Variants in PPFIA2 observed in about 807,000 individuals in gnomAD.
The protein encoded by PPFIA2 is liprin-alpha-2.
In PPFIA2, 46 loss-of-function variants were observed where a neutral mutation model predicts 175.5. The observed-to-expected ratio is 0.26, with a 90% CI of 0.21 to 0.34. The LOEUF (loss-of-function observed/expected upper bound fraction) is 0.34, where lower values mean the gene tolerates loss of function less well. Ranked by LOEUF, PPFIA2 falls within the 10% of genes least tolerant of loss-of-function variation. The pLI, the probability that PPFIA2 is intolerant of heterozygous loss-of-function variation, is 1.00. For synonymous variants in PPFIA2, 568 were observed against 511.4 expected (o/e 1.11, Z -1.49); for missense variants, 1,179 against 1,506.1 (o/e 0.78, Z 3.60).
At chr12:81,462,500 TTC>T (rs2054753395) in intron 4 of PPFIA2, among the ~76,000 whole-genome samples, 1 of 146,448 alleles carries the variant, frequency 6.8e-6, no homozygotes. Flanking sequence ...ATATATTGTA[TTC>T]TGTTTCTTAC....
At chr12:81,660,661 G>T (rs1248584386) in intron 4 of PPFIA2, among the ~76,000 whole-genome samples, 3 of 152,136 alleles carry the variant, frequency 2.0e-5, no homozygotes, top group African/African-American at 7.2e-5. Flanking sequence ...AATCTAGCAA[G>T]GCAGGCCAAC....
chr12:81,276,913 C>T (rs2040672105), intron 28 of PPFIA2, among the ~76,000 whole-genome samples: 1 of 151,854 alleles, frequency 6.6e-6, no homozygotes, highest in African/African-American at 2.4e-5. Context: ...TGCTGGGGCA[C>T]TGGAATAAAA....
rs144948665 is a variant in PPFIA2, at chr12:81,655,075, A to G, written c.303+21716T>C. On this transcript the variant is annotated intron_variant, in intron 4 of 32. Transcript: ENST00000549396. ...CTAGGAATTTGTCCATTTCATCCAC[A>G]ATTTTAGATTCATCAGTATAAATTC... Among the ~76,000 whole-genome samples the G allele has an allele frequency of 9.9e-5, 15 of 152,134 alleles. No homozygotes were observed. In the East Asian group the frequency reaches 2.9e-3, roughly 29 times the overall value.
At chr12:81,402,949 A>C (rs915966702) in intron 8 of PPFIA2, among the ~76,000 whole-genome samples, 1 of 152,234 alleles carries the variant, frequency 6.6e-6, no homozygotes, top group Admixed American at 6.5e-5. Context: ...ATATAAATTG[A>C]AACATGTTTA....
intron 4 of PPFIA2, among the ~76,000 whole-genome samples, chr12:81,471,658 C>A (rs1434796101): frequency 6.6e-6 from 1 of 151,778 alleles, no homozygotes; most frequent in Non-Finnish European, 1.5e-5. Flanking sequence ...TGGTTATATA[C>A]CCAGAAGTGG....
chr12:81,349,032 T>C (rs1472705137), intron 17 of PPFIA2, among the ~76,000 whole-genome samples: 6 of 152,212 alleles, frequency 3.9e-5, no homozygotes, highest in Non-Finnish European at 7.3e-5. Flanking sequence ...TTTGCTAAAT[T>C]TATTCGCTAA....
At position 81,266,630 on chromosome 12, in the gene PPFIA2, T is replaced by A. The variant is rs1333838156; in HGVS notation, c.3555+322A>T. On this transcript the variant is annotated intron_variant, in intron 30 of 32. Transcript: ENST00000549396. The stretch of plus-strand genomic sequence containing the variant: ...ACTCTTTATTAAAAAGCTGAATTTA[T>A]CAACATTAGTGTTTTAACTTTTTTC... Among the ~76,000 whole-genome samples the A allele has an allele frequency of 3.3e-5, 5 of 152,328 alleles. No homozygotes were observed. The East Asian group carries it at 9.6e-4, about 29-fold the overall frequency.
intron 4 of PPFIA2, among the ~76,000 whole-genome samples, chr12:81,605,632 T>G (rs1407156109): frequency 6.7e-6 from 1 of 148,740 alleles, no homozygotes; most frequent in Non-Finnish European, 1.5e-5. Context: ...CCTGTCTGTC[T>G]ATCCATCCAT....
intron 22 of PPFIA2, among the ~76,000 whole-genome samples, chr12:81,307,356 T>C (rs4842297): frequency 6.6e-6 from 1 of 152,216 alleles, no homozygotes; most frequent in Admixed American, 6.5e-5. Flanking sequence ...GAATGACTGC[T>C]AAATTGTAAT....
intron 4 of PPFIA2, among the ~76,000 whole-genome samples, chr12:81,539,984 G>A (rs1329141786): frequency 6.6e-6 from 1 of 151,930 alleles, no homozygotes; most frequent in African/African-American, 2.4e-5. Flanking sequence ...AAACATCCAG[G>A]CATTATTAGC....
chr12:81,295,886 A>G (rs2046323390), intron 23 of PPFIA2, among the ~76,000 whole-genome samples: 1 of 152,146 alleles, frequency 6.6e-6, no homozygotes, highest in African/African-American at 2.4e-5. Context: ...GCTACTCGGG[A>G]GGCTGAGGCA....
intron 4 of PPFIA2, among the ~76,000 whole-genome samples, chr12:81,473,944 G>A (rs2057128169): frequency 6.6e-6 from 1 of 151,970 alleles, no homozygotes; most frequent in African/African-American, 2.4e-5. Flanking sequence ...ATGTTACCTG[G>A]GAAAATGGAA....
At chr12:81,755,166 CGAACT>C (rs2084445996) in intron 2 of PPFIA2, among the ~76,000 whole-genome samples, 1 of 152,130 alleles carries the variant, frequency 6.6e-6, no homozygotes, top group South Asian at 2.1e-4. Flanking sequence ...ATGAAATAAA[CGAACT>C]GTTTTCAGAA....
At chr12:81,516,467 T>C (rs1018044476) in intron 4 of PPFIA2, among the ~76,000 whole-genome samples, 8 of 152,200 alleles carry the variant, frequency 5.3e-5, no homozygotes, top group South Asian at 4.1e-4. Flanking sequence ...CTTTAAAGTT[T>C]GAACCTATTT....
intron 3 of PPFIA2, 40 bp from the exon 4 acceptor site, chr12:81,676,884 ACAGCATGAAGAATCCCCCAGT>A: frequency 7.0e-7 from 1 of 1,435,660 alleles, no homozygotes; most frequent in South Asian, 1.4e-5. Context: ...GTGCTACTCA[ACAGCATGAAGAATCCCCCAGT>A]CCCACAGTGT....
chr12:81,620,912 C>A (rs6539573), intron 4 of PPFIA2, among the ~76,000 whole-genome samples: 78,677 of 151,954 alleles, frequency 0.52, 21,357 homozygotes, highest in Middle Eastern at 0.61. Flanking sequence ...AATGATGTTC[C>A]AAAAGTCATG....
intron 7 of PPFIA2, among the ~76,000 whole-genome samples, chr12:81,415,751 T>A (rs2045123285): frequency 6.6e-6 from 1 of 151,314 alleles, no homozygotes; most frequent in African/African-American, 2.4e-5. Flanking sequence ...TTTTGCTTTT[T>A]TGCAGGAGAT....
At chr12:81,478,787 T>A (rs1371032278) in intron 4 of PPFIA2, among the ~76,000 whole-genome samples, 2 of 152,192 alleles carry the variant, frequency 1.3e-5, no homozygotes, top group Non-Finnish European at 2.9e-5. Context: ...AGAGACGGTT[T>A]GTTATGATTT....
intron 4 of PPFIA2, among the ~76,000 whole-genome samples, chr12:81,666,596 C>A (rs1018138663): frequency 7.2e-5 from 11 of 152,074 alleles, no homozygotes; most frequent in African/African-American, 2.2e-4. Flanking sequence ...GAACATCACA[C>A]ACCGGGGCCT....
Sources: gnomAD v4.1 joint callset for allele counts (sites outside exome capture counted in the v4.1 genomes callset) on GRCh38, gnomAD v4.1.1 for gene constraint, MANE v1.5 for transcripts, NCBI Gene and HGNC (gene_info 2026-07-23, HGNC 2026-07-21) for gene names.